SNX2: variants seen among roughly 807,000 people sequenced by gnomAD.
SNX2 encodes the protein sorting nexin-2.
Under a neutral mutation model 69.9 loss-of-function variants are expected in SNX2, and 25 were observed. The observed-to-expected ratio is 0.36, with a 90% CI of 0.26 to 0.50. The LOEUF (loss-of-function observed/expected upper bound fraction) is 0.50. Ranked by LOEUF, SNX2 falls within the 20% of genes least tolerant of loss-of-function variation. The pLI, the probability that SNX2 is intolerant of heterozygous loss-of-function variation, is 0.97. For missense variants in SNX2, 551 were observed against 613.3 expected, an observed-to-expected ratio of 0.90 and a Z score of 1.07; for synonymous variants, 229 against 200.4, an observed-to-expected ratio of 1.14 and a Z score of -1.20.
rs114806186 is a variant in SNX2, at chr5:122,812,322, C to T, written c.723-3574C>T. Among the ~76,000 whole-genome samples, 640 of 152,172 alleles carry T rather than the reference C, an allele frequency of 4.2e-3. 4 individuals carry two copies. Among genetic ancestry groups the T allele is most frequent in the Non-Finnish European group, 5.7e-3 (389 of 68,024 alleles). On this transcript the variant is annotated intron_variant, in intron 7 of 14. Transcript: ENST00000379516. ...TTTGATCTCATATCCTCCGTGATCA[C>T]TCACTCTGCTTTAGGCCAGACTAAC...
At chr5:122,821,865 C>T (rs1754033566) in intron 11 of SNX2, among the ~76,000 whole-genome samples, 3 of 152,086 alleles carry the variant, frequency 2.0e-5, no homozygotes, top group African/African-American at 7.2e-5. Flanking sequence ...ACTCTTTGGA[C>T]ATAAAGATTC....
chr5:122,793,078 G>A (rs1753281553), intron 1 of SNX2, among the ~76,000 whole-genome samples: 1 of 152,120 alleles, frequency 6.6e-6, no homozygotes, highest in South Asian at 2.1e-4. Flanking sequence ...AACTTCTAAA[G>A]CTGAACATTC....
chr5:122,805,997 G>C (rs1274867657), intron 6 of SNX2, among the ~76,000 whole-genome samples: 1 of 151,712 alleles, frequency 6.6e-6, no homozygotes, highest in African/African-American at 2.4e-5. Flanking sequence ...AGCCAGGATG[G>C]TCTCGATCTC....
chr5:122,828,541 A>T (rs1561480366), intron 14 of SNX2, among the ~76,000 whole-genome samples: 1 of 145,010 alleles, frequency 6.9e-6, no homozygotes, highest in Admixed American at 6.9e-5. Context: ...CTTATATCCC[A>T]TTTTTTTTTG....
chr5:122,810,375 G>C (rs1225118801), intron 7 of SNX2, among the ~76,000 whole-genome samples: 1 of 120,458 alleles, frequency 8.3e-6, no homozygotes, highest in Non-Finnish European at 1.7e-5. Context: ...CCCCCTCTGC[G>C]AGAAACACCC....
intron 6 of SNX2, among the ~76,000 whole-genome samples, chr5:122,806,142 G>GCACGCACGCACACACACACACACACA (rs1554063175): frequency 1.5e-4 from 19 of 130,656 alleles, no homozygotes; most frequent in African/African-American, 4.9e-4. Context: ...ACACGCGCGC[G>GCACGCACGCACACACACACACACACA]CACACACACA....
chr5:122,792,483 G>A (rs545166885), intron 1 of SNX2, among the ~76,000 whole-genome samples: 7 of 151,992 alleles, frequency 4.6e-5, no homozygotes, highest in Non-Finnish European at 1.0e-4. Flanking sequence ...TGTGGTCCCG[G>A]CTACTTGGGA....
At chr5:122,793,603 A>G (rs577342671) in intron 1 of SNX2, among the ~76,000 whole-genome samples, 1 of 152,280 alleles carries the variant, frequency 6.6e-6, no homozygotes, top group East Asian at 1.9e-4. Flanking sequence ...ACTTCAATAA[A>G]AAGGTTTTTA....
At chr5:122,804,568 C>T (rs1486287517) in intron 6 of SNX2, among the ~76,000 whole-genome samples, 2 of 151,944 alleles carry the variant, frequency 1.3e-5, no homozygotes, top group African/African-American at 4.8e-5. Context: ...GGGGTTTCAC[C>T]ATATTGGCCT....
intron 11 of SNX2, 82 bp downstream of exon 11, chr5:122,819,105 G>A: frequency 9.2e-7 from 1 of 1,081,912 alleles, no homozygotes; most frequent in Non-Finnish European, 1.3e-6. Context: ...GTATTTACAT[G>A]TCTAAATTCC....
At chr5:122,814,290 A>T (rs529913794) in intron 7 of SNX2, among the ~76,000 whole-genome samples, 1 of 152,286 alleles carries the variant, frequency 6.6e-6, no homozygotes, top group East Asian at 1.9e-4. Context: ...CAAGTGGGGA[A>T]ATACCAACAT....
Position 122,834,131 on chromosome 5 carries a change from TTC to T in SNX2, c.*4485_*4486del, listed in dbSNP as rs1399084798. On this transcript the variant is annotated 3_prime_UTR_variant, in exon 15 of 15. Coordinates refer to ENST00000379516, the MANE Select transcript of SNX2 (RefSeq NM_003100.4). The stretch of plus-strand genomic sequence containing the variant: ...AAATGTATGATAAGCATTTCAAGAT[TTC>T]TGTTTTAATTATTAACATTTAGAAT... 1 of 152,230 alleles carries T rather than the reference TTC, an allele frequency of 6.6e-6. No homozygotes were observed. The highest frequency in any genetic ancestry group is 2.4e-5 in the African/African-American group (1 of 41,470). The allele number at this position is 152,230 out of a possible 1,614,324, so 9.4% of individuals were successfully genotyped here.
At chr5:122,789,285 C>G (rs1484913093) in intron 1 of SNX2, among the ~76,000 whole-genome samples, 2 of 152,166 alleles carry the variant, frequency 1.3e-5, no homozygotes, top group Non-Finnish European at 2.9e-5. Flanking sequence ...AATTGCTGTG[C>G]TGTTTGGCTA....
At chr5:122,827,516 T>C in intron 13 of SNX2, 57 bp downstream of exon 13, 1 of 1,604,768 alleles carries the variant, frequency 6.2e-7, no homozygotes, top group Non-Finnish European at 8.5e-7. Context: ...TGCTGCAATT[T>C]TGTGGTAAAG....
intron 11 of SNX2, among the ~76,000 whole-genome samples, chr5:122,819,811 G>A (rs1326542469): frequency 6.6e-6 from 1 of 151,986 alleles, no homozygotes; most frequent in African/African-American, 2.4e-5. Context: ...TCTTTCTTAT[G>A]CAAAATTTTT....
chr5:122,780,410 G>T (rs550328401), intron 1 of SNX2, among the ~76,000 whole-genome samples: 1 of 152,262 alleles, frequency 6.6e-6, no homozygotes, highest in Non-Finnish European at 1.5e-5. Flanking sequence ...TGATTGCATA[G>T]AGATGATCTT....
intron 7 of SNX2, chr5:122,808,560 T>A (rs1753702593): frequency 2.4e-6 from 1 of 417,712 alleles, no homozygotes; most frequent in African/African-American, 2.0e-5. Flanking sequence ...TTTTTAGTAA[T>A]CCTCATCAAT....
At chr5:122,778,931 A>G (rs528522485) in intron 1 of SNX2, among the ~76,000 whole-genome samples, 1 of 152,286 alleles carries the variant, frequency 6.6e-6, no homozygotes, top group Admixed American at 6.5e-5. Context: ...AGAGAAGGGA[A>G]TGAGAAGGGA....
Position 122,832,371 on chromosome 5 carries a change from CAAAG to C in SNX2, c.*2726_*2729del, listed in dbSNP as rs1754311677. On this transcript the variant is annotated 3_prime_UTR_variant, in exon 15 of 15. Transcript: ENST00000379516. ...AAATATGTTGGAAAACAATTCTAAT[CAAAG>C]AACTTCTATTAAGTAAAACAAGACA... The C allele has an allele frequency of 6.7e-6, 1 of 148,664 alleles. No individual in the cohort carries two copies. Among genetic ancestry groups the C allele is most frequent in the Non-Finnish European group, 1.5e-5 (1 of 67,330 alleles). The allele number at this position is 148,664 out of a possible 1,614,324, so 9.2% of individuals were successfully genotyped here.
Sources: allele counts gnomAD v4.1 joint callset (sites outside exome capture counted in the v4.1 genomes callset), GRCh38; gene constraint gnomAD v4.1.1; transcripts MANE v1.5; gene names NCBI Gene and HGNC (gene_info 2026-07-23, HGNC 2026-07-21).